BOD1: variants seen among roughly 807,000 people sequenced by gnomAD.
BOD1 encodes biorientation of chromosomes in cell division 1.
BOD1 carries 11 observed loss-of-function variants against 15.7 expected under a neutral mutation model. That is an observed-to-expected ratio of 0.70 (90% CI 0.44 to 1.16). BOD1 has a LOEUF of 1.16. BOD1 is among the 50% of genes most tolerant of loss of function. The probability of loss-of-function intolerance (pLI) is 0.00; values close to 1 mark genes in which losing one functional copy is unlikely to be tolerated. For synonymous variants in BOD1, 105 were observed against 103.5 expected, an observed-to-expected ratio of 1.01 and a Z score of -0.09; for missense variants, 182 against 244.5, an observed-to-expected ratio of 0.74 and a Z score of 1.70.
At chr5:173,613,886 G>A (rs574021575) in intron 1 of BOD1, among the ~76,000 whole-genome samples, 78 of 152,358 alleles carry the variant, frequency 5.1e-4, no homozygotes, top group African/African-American at 1.8e-3. Flanking sequence ...CTTCTTTCTA[G>A]TAACTGTCTT....
Position 173,608,222 on chromosome 5 carries a change from A to C in BOD1, c.*72T>G. 1 of 1,582,048 alleles carries C rather than the reference A, an allele frequency of 6.3e-7. No individual in the cohort carries two copies. The highest frequency in any genetic ancestry group is 8.7e-7 in the Non-Finnish European group (1 of 1,150,826). ...ACGACCTTGGCCTATCTTCAGTCTG[A>C]AGTTGCACTCTTATGTAACCGAATC... On this transcript the variant is annotated 3_prime_UTR_variant, in exon 4 of 4. Coordinates refer to ENST00000311086, the MANE Select transcript of BOD1 (RefSeq NM_138369.3).
chr5:173,608,604 C>T (rs1755267437), intron 3 of BOD1, among the ~76,000 whole-genome samples: 1 of 152,178 alleles, frequency 6.6e-6, no homozygotes, highest in Non-Finnish European at 1.5e-5. Flanking sequence ...CAGCAGTCAC[C>T]AACAACGGCG....
At position 173,616,380 on chromosome 5, in the gene BOD1, G is replaced by A; in HGVS notation, c.57C>T (p.Ser19=). 1 of 1,520,646 alleles carries A rather than the reference G, an allele frequency of 6.6e-7. No individual in the cohort carries two copies. The highest frequency in any genetic ancestry group is 8.8e-7 in the Non-Finnish European group (1 of 1,142,542). The allele number at this position is 1,520,646 out of a possible 1,614,324, so 94.2% of individuals were successfully genotyped here. ...GTGAVGGGGT[S]QASAGAATGA... ...CAGTCGCTGCCCCGGCAGAGGCCTG[G>A]CTAGTTCCGCCGCCGCCCACCGCGC... Residue 19 remains serine (S), a synonymous_variant, in exon 1 of 4, where the codon AGC becomes AGT. Transcript: ENST00000311086.
chr5:173,607,177 A>C lies in BOD1; in HGVS notation c.*1117T>G, dbSNP rs549043263. 2.6e-5 allele frequency among the ~76,000 whole-genome samples: 4 copies of C among 152,346 alleles called. No homozygotes were observed. The East Asian group carries it at 5.8e-4, about 22-fold the overall frequency. ...GTATGTTCAGAGGCCTGGCAGCATC[A>C]GCATCACCTGGCAGCTTGTCAGAAA... is the stretch of plus-strand genomic sequence containing the variant. On this transcript the variant is annotated 3_prime_UTR_variant, in exon 4 of 4. Coordinates refer to ENST00000311086, the MANE Select transcript of BOD1 (RefSeq NM_138369.3).
chr5:173,615,342 CG>C (rs1473901354), intron 1 of BOD1, among the ~76,000 whole-genome samples: 1 of 152,232 alleles, frequency 6.6e-6, no homozygotes, highest in Non-Finnish European at 1.5e-5. Flanking sequence ...AAACAGACTA[CG>C]TTTTTCCCTA....
Position 173,608,216 on chromosome 5 carries a change from A to T in BOD1, c.*78T>A, listed in dbSNP as rs1443645862. ...TCAGTGACGACCTTGGCCTATCTTC[A>T]GTCTGAAGTTGCACTCTTATGTAAC... is the stretch of plus-strand genomic sequence containing the variant. On this transcript the variant is annotated 3_prime_UTR_variant, in exon 4 of 4. Coordinates refer to ENST00000311086, the MANE Select transcript of BOD1 (RefSeq NM_138369.3). 11 of 1,559,224 alleles carry T rather than the reference A, an allele frequency of 7.1e-6. No homozygotes were observed. In the East Asian group the frequency reaches 2.5e-4, roughly 35 times the overall value.
Position 173,609,549 on chromosome 5 carries a change from C to G in BOD1, c.363-115G>C, listed in dbSNP as rs373555099. ...GTCCACCTTCAAAGCTACAGCCCTT[C>G]TAGGGAGTTTAGAGGTCAATCCACT... On this transcript the variant is annotated intron_variant, in intron 2 of 3. Coordinates refer to ENST00000311086, the MANE Select transcript of BOD1 (RefSeq NM_138369.3). 9 of 1,092,298 alleles carry G rather than the reference C, an allele frequency of 8.2e-6. No homozygotes were observed. In the East Asian group the frequency reaches 9.5e-5, roughly 12 times the overall value. 67.7% of individuals were successfully genotyped at this position (1,092,298 alleles called of 1,614,324 possible). A position where few individuals can be genotyped will look rare whatever the true frequency, so the allele number is the denominator to read the frequency against.
In BOD1 at chr5:173,616,237, C is replaced by G. The variant is rs1377870394; in HGVS notation, c.200G>C (p.Ser67Thr). 1 of 1,576,500 alleles carries G rather than the reference C, an allele frequency of 6.3e-7. No homozygotes were observed. Among genetic ancestry groups the G allele is most frequent in the Non-Finnish European group, 8.6e-7 (1 of 1,161,930 alleles). The change falls in exon 1 of 4, where the codon AGC becomes ACC. Residue 67 changes from serine (S) to threonine (T), a missense_variant. Ser to Thr is a moderately conservative substitution (Grantham distance 58). Around this residue, in one of 3 missense-constraint regions of BOD1, gnomAD observed 70 missense variants for 130.3 expected, o/e 0.54. Transcript: ENST00000311086. ...GTCGGCCAGGCAGTCCCGGCGGAAGCTGTCAAAAAGGCCCCGGCTCTTGAG... is the reference window on the plus strand; with the variant it reads ...GTCGGCCAGGCAGTCCCGGCGGAAGGTGTCAAAAAGGCCCCGGCTCTTGAG... Reference protein sequence around the residue: ...EQLKSRGLFDSFRRDCLADVD... With the variant: ...EQLKSRGLFDTFRRDCLADVD...
intron 2 of BOD1, among the ~76,000 whole-genome samples, chr5:173,610,110 C>G (rs1755310068): frequency 6.6e-6 from 1 of 152,192 alleles, no homozygotes; most frequent in South Asian, 2.1e-4. Flanking sequence ...TGTCTATATT[C>G]AAACACTTGG....
In BOD1 at chr5:173,616,448, G is replaced by A. The variant is rs1269912400; in HGVS notation, c.-12C>T. The A allele has an allele frequency of 1.9e-6, 3 of 1,557,352 alleles. No homozygotes were observed. Among genetic ancestry groups the A allele is most frequent in the Admixed American group, 1.8e-5 (1 of 55,424 alleles). ...CCGCCGTCCGCCATGGCTGCGCCCC[G>A]GGCCCACAAGGGAGAACGACTATAG... On this transcript the variant is annotated 5_prime_UTR_variant, in exon 1 of 4. Coordinates refer to ENST00000311086, the MANE Select transcript of BOD1 (RefSeq NM_138369.3).
rs533608514 is a variant in BOD1, at chr5:173,607,431, T to C, written c.*863A>G. On this transcript the variant is annotated 3_prime_UTR_variant, in exon 4 of 4. Transcript: ENST00000311086. ...CCAAGTTATATGTACCAATCTTCAC[T>C]GCCAGTAGATCATGTGTGGTGCACA... 6 of 152,338 alleles carry C rather than the reference T, an allele frequency of 3.9e-5. No individual in the cohort carries two copies. Among genetic ancestry groups the C allele is most frequent in the Non-Finnish European group, 7.3e-5 (5 of 68,038 alleles). The allele number at this position is 152,338 out of a possible 1,614,324, so 9.4% of individuals were successfully genotyped here.
chr5:173,607,489 C>T lies in BOD1; in HGVS notation c.*805G>A, dbSNP rs1430918434. 6.6e-6 allele frequency: 1 copy of T among 152,168 alleles called. No individual in the cohort carries two copies. The highest frequency in any genetic ancestry group is 1.9e-4 in the East Asian group (1 of 5,198). The allele number at this position is 152,168 out of a possible 1,614,324, so 9.4% of individuals were successfully genotyped here. A position where few individuals can be genotyped will look rare whatever the true frequency, so the allele number is the denominator to read the frequency against. Reference sequence around the variant, plus strand: ...AAGACAAAGGTTGCCCTTCACAGACCTGAGGTTTAAGCTTCAGCTGAAGCT... The same window carrying T: ...AAGACAAAGGTTGCCCTTCACAGACTTGAGGTTTAAGCTTCAGCTGAAGCT... On this transcript the variant is annotated 3_prime_UTR_variant, in exon 4 of 4. Coordinates refer to ENST00000311086, the MANE Select transcript of BOD1 (RefSeq NM_138369.3).
At chr5:173,612,089 G>T (rs1265017276) in intron 2 of BOD1, among the ~76,000 whole-genome samples, 4 of 152,236 alleles carry the variant, frequency 2.6e-5, no homozygotes, top group African/African-American at 9.6e-5. Context: ...AAGGCACTCG[G>T]TACTGACTCC....
chr5:173,608,948 A>T (rs1256943993), intron 3 of BOD1, among the ~76,000 whole-genome samples: 2 of 152,174 alleles, frequency 1.3e-5, no homozygotes, highest in African/African-American at 4.8e-5. Flanking sequence ...GCAAAATAAG[A>T]CTTTCATTTG....
rs78132029 is a variant in BOD1, at chr5:173,611,957, G to A, written c.362+1174C>T. Among the ~76,000 whole-genome samples, 516 of 152,364 alleles carry A rather than the reference G, an allele frequency of 3.4e-3. 6 individuals are homozygous for A. The highest frequency in any genetic ancestry group is 0.012 in the African/African-American group (494 of 41,590). On this transcript the variant is annotated intron_variant, in intron 2 of 3. Transcript: ENST00000311086. ...TGTGAAACAGGCTTTTCATGAGGAT[G>A]AGTGATATATGTAAAGACCAGTGCC...
intron 2 of BOD1, among the ~76,000 whole-genome samples, chr5:173,612,668 T>A (rs930868709): frequency 1.3e-5 from 2 of 152,254 alleles, no homozygotes; most frequent in Non-Finnish European, 2.9e-5. Flanking sequence ...CGATACTTTA[T>A]TAAGACTATG....
rs1414225263 is a variant in BOD1, at chr5:173,616,437, G to C, written c.-1C>G. 3.2e-6 allele frequency: 5 copies of C among 1,555,800 alleles called. No individual in the cohort carries two copies. In the African/African-American group the frequency reaches 7.1e-5, roughly 22 times the overall value. ...CCCCGCCGCCGCCGCCGTCCGCCATGGCTGCGCCCCGGGCCCACAAGGGAG... is the reference window on the plus strand; with the variant it reads ...CCCCGCCGCCGCCGCCGTCCGCCATCGCTGCGCCCCGGGCCCACAAGGGAG... On this transcript the variant is annotated 5_prime_UTR_variant, in exon 1 of 4. Transcript: ENST00000311086.
At chr5:173,613,710 GA>G (rs1481471888) in intron 1 of BOD1, among the ~76,000 whole-genome samples, 11 of 152,212 alleles carry the variant, frequency 7.2e-5, no homozygotes, top group Non-Finnish European at 1.5e-4. Flanking sequence ...TCAGGGAAAT[GA>G]AGTTGACAAA....
chr5:173,608,191 TCA>T lies in BOD1; in HGVS notation c.*101_*102del. On this transcript the variant is annotated 3_prime_UTR_variant, in exon 4 of 4. Transcript: ENST00000311086. Reference sequence around the variant, plus strand: ...CATGGTCAAGGTTGAAATCTTGAGATCAGTGACGACCTTGGCCTATCTTCAGT... The same window carrying T: ...CATGGTCAAGGTTGAAATCTTGAGATGTGACGACCTTGGCCTATCTTCAGT... The T allele has an allele frequency of 7.3e-7, 1 of 1,376,898 alleles. No individual in the cohort carries two copies. Among genetic ancestry groups the T allele is most frequent in the African/African-American group, 1.4e-5 (1 of 72,002 alleles). 85.3% of individuals were successfully genotyped at this position (1,376,898 alleles called of 1,614,324 possible). A position where few individuals can be genotyped will look rare whatever the true frequency, so the allele number is the denominator to read the frequency against.
Sources: gnomAD v4.1 joint callset for allele counts (sites outside exome capture counted in the v4.1 genomes callset) on GRCh38, gnomAD v4.1.1 for gene constraint, gnomAD v4.1.1 regional missense constraint, MANE v1.5 for transcripts, NCBI Gene and HGNC (gene_info 2026-07-23, HGNC 2026-07-21) for gene names.